Variants in IL34 observed in about 807,000 individuals in gnomAD.
The protein encoded by IL34 is interleukin 34.
IL34 carries 17 observed loss-of-function variants against 25.3 expected under a neutral mutation model. The ratio of observed to expected loss-of-function variants is 0.67; its 90% CI spans 0.46 to 1.01. The LOEUF is 1.01. Among genes scored for constraint, IL34 ranks in the 50% least tolerant of loss-of-function variants. The pLI, the probability that IL34 is intolerant of heterozygous loss-of-function variation, is 0.00. For synonymous variants in IL34, 174 were observed against 140.9 expected (o/e 1.23, Z -1.66); for missense variants, 368 against 312.9 (o/e 1.18, Z -1.33).
chr16:70,654,556 G>C lies in IL34; in HGVS notation c.47G>C (p.Gly16Ala), dbSNP rs139133476. 2,930 of 1,612,670 alleles carry C rather than the reference G, an allele frequency of 1.8e-3. 3 individuals carry two copies. Among genetic ancestry groups the C allele is most frequent in the Non-Finnish European group, 2.1e-3 (2,521 of 1,179,042 alleles). Residue 16 changes from glycine (G) to alanine (A), a missense_variant, in exon 2 of 6, where the codon GGC (glycine) becomes GCC (alanine). Coordinates refer to ENST00000288098, the MANE Select transcript of IL34 (RefSeq NM_001393494.1). ...TCCACAGATCTTGGGATCTTCCTTG[G>C]CGTGGCCTTGGGGAATGAGCCTTTG... The part of the protein sequence containing the change: ...TWLRYLGIFL[G>A]VALGNEPLEM...
At chr16:70,622,681 A>C (rs921375675) in intron 1 of IL34, among the ~76,000 whole-genome samples, 7 of 152,098 alleles carry the variant, frequency 4.6e-5, no homozygotes, top group Admixed American at 2.6e-4. Context: ...GGGGGGCCAG[A>C]TTGAAGTCCG....
At chr16:70,621,844 C>T (rs939191485) in intron 1 of IL34, among the ~76,000 whole-genome samples, 1 of 151,786 alleles carries the variant, frequency 6.6e-6, no homozygotes, top group African/African-American at 2.4e-5. Flanking sequence ...TGTTTTTGAG[C>T]CAGGATGAGC....
intron 1 of IL34, among the ~76,000 whole-genome samples, chr16:70,640,469 C>G (rs77534164): frequency 3.3e-5 from 5 of 151,486 alleles, no homozygotes; most frequent in Non-Finnish European, 7.4e-5. Flanking sequence ...ACTAAAAATA[C>G]AAAAGTTAGC....
At chr16:70,656,145 A>G (rs1279428572) in intron 2 of IL34, among the ~76,000 whole-genome samples, 1 of 152,190 alleles carries the variant, frequency 6.6e-6, no homozygotes, top group Non-Finnish European at 1.5e-5. Context: ...AGGAAAGTGA[A>G]GTGTTTTTAT....
In IL34 at chr16:70,646,701, C is replaced by G. The variant is rs1017074240; in HGVS notation, c.-247C>G. ...CCAAGCCACCGGCTCAGACCTGCTT[C>G]TGGGCTGCCATGGGACTTGCGGCCA... is the stretch of plus-strand genomic sequence containing the variant. On this transcript the variant is annotated 5_prime_UTR_variant, in exon 1 of 6. Transcript: ENST00000288098. 6.3e-6 allele frequency: 3 copies of G among 475,318 alleles called. No homozygotes were observed. The highest frequency in any genetic ancestry group is 6.1e-5 in the African/African-American group (3 of 49,036). The allele number at this position is 475,318 out of a possible 1,614,324, so 29.4% of individuals were successfully genotyped here. A position where few individuals can be genotyped will look rare whatever the true frequency, so the allele number is the denominator to read the frequency against.
chr16:70,618,636 G>A (rs1243813709), intron 1 of IL34, among the ~76,000 whole-genome samples: 12 of 152,168 alleles, frequency 7.9e-5, no homozygotes, highest in African/African-American at 2.7e-4. Context: ...TACAGGGTGT[G>A]GTCCTGGCTC....
At chr16:70,651,083 G>A (rs912292003) in intron 1 of IL34, among the ~76,000 whole-genome samples, 3 of 152,056 alleles carry the variant, frequency 2.0e-5, no homozygotes, top group Non-Finnish European at 4.4e-5. Flanking sequence ...GTGGTGGCGC[G>A]CACCTGTAAT....
chr16:70,610,928 C>A (rs1175648971), intron 1 of IL34, among the ~76,000 whole-genome samples: 1 of 151,858 alleles, frequency 6.6e-6, no homozygotes, highest in Non-Finnish European at 1.5e-5. Context: ...TGCGTTCTTT[C>A]CCCCCCTTCC....
chr16:70,622,288 A>T (rs2051298871), intron 1 of IL34, among the ~76,000 whole-genome samples: 1 of 152,076 alleles, frequency 6.6e-6, no homozygotes, highest in African/African-American at 2.4e-5. Flanking sequence ...TATCTGACTC[A>T]GGGCATGTTG....
At chr16:70,641,815 C>T (rs975036790), upstream of IL34, among the ~76,000 whole-genome samples, 1 of 151,950 alleles carries the variant, frequency 6.6e-6, no homozygotes, top group East Asian at 1.9e-4. Flanking sequence ...AATCCACCCC[C>T]CCGCAACCTC....
chr16:70,590,130 A>G (rs1290929879), intron 1 of IL34, among the ~76,000 whole-genome samples: 5 of 152,156 alleles, frequency 3.3e-5, no homozygotes, highest in African/African-American at 9.7e-5. Context: ...TCATTACTCC[A>G]TTCAGCAGAA....
chr16:70,613,607 C>T (rs1303447340), intron 1 of IL34, among the ~76,000 whole-genome samples: 3 of 152,158 alleles, frequency 2.0e-5, no homozygotes, highest in South Asian at 2.1e-4. Flanking sequence ...GGAGTGGTGG[C>T]TCACACCTGT....
intron 1 of IL34, among the ~76,000 whole-genome samples, chr16:70,602,583 A>ATGTGTG (rs3058045): frequency 0.068 from 9,196 of 134,780 alleles, 273 homozygotes; most frequent in Non-Finnish European, 0.08. Context: ...TTTGGAATTG[A>ATGTGTG]TGTGTGTGTG....
rs180850263 is a variant in IL34 at position 70,624,556 on chromosome 16, A to G, written c.-400-21992A>G. Among the ~76,000 whole-genome samples, 266 of 152,298 alleles carry G rather than the reference A, an allele frequency of 1.7e-3. 1 individual carries two copies. The highest frequency in any genetic ancestry group is 1.9e-3 in the Non-Finnish European group (127 of 68,020). On this transcript the variant is annotated intron_variant, in intron 1 of 6. Transcript: ENST00000429149. ...GGGCTGTAAAGCGTCTCAAGGTTGC[A>G]GCCAAACAAGTCATGAACTGGGCTG...
intron 1 of IL34, among the ~76,000 whole-genome samples, chr16:70,634,812 A>T (rs757650242): frequency 1.3e-5 from 2 of 152,138 alleles, no homozygotes; most frequent in African/African-American, 2.4e-5. Flanking sequence ...CTGTTCTTGC[A>T]TTCAAATAGC....
chr16:70,583,545 A>G (rs2151802071), intron 1 of IL34, among the ~76,000 whole-genome samples: 1 of 152,202 alleles, frequency 6.6e-6, no homozygotes, highest in East Asian at 1.9e-4. Flanking sequence ...GCTCAAAATA[A>G]ATAACTGCAA....
chr16:70,587,761 G>A (rs1057256759), intron 1 of IL34, among the ~76,000 whole-genome samples: 3 of 152,050 alleles, frequency 2.0e-5, no homozygotes, highest in Admixed American at 6.6e-5. Flanking sequence ...GAAAATAGCC[G>A]GGCGCAGCGG....
intron 1 of IL34, among the ~76,000 whole-genome samples, chr16:70,594,955 CT>C (rs113922793): frequency 0.011 from 1,435 of 124,808 alleles, 31 homozygotes; most frequent in African/African-American, 0.054. Context: ...CTCTCTCTCT[CT>C]TTTTTTTTTT....
At chr16:70,617,445 T>C (rs1442297724) in intron 1 of IL34, among the ~76,000 whole-genome samples, 1 of 152,068 alleles carries the variant, frequency 6.6e-6, no homozygotes, top group Admixed American at 6.6e-5. Flanking sequence ...GAACGGAGAA[T>C]AGGAGTATGA....
Sources: gnomAD v4.1 joint callset for allele counts (sites outside exome capture counted in the v4.1 genomes callset) on GRCh38, gnomAD v4.1.1 for gene constraint, MANE v1.5 for transcripts, NCBI Gene and HGNC (gene_info 2026-07-23, HGNC 2026-07-21) for gene names.